ACTR3B: variants seen among roughly 807,000 people sequenced by gnomAD.
ACTR3B encodes the protein actin related protein 3B, also known as actin-related protein 3B.
Under a neutral mutation model 59.0 loss-of-function variants are expected in ACTR3B, and 8 were observed. The ratio of observed to expected loss-of-function variants is 0.14; its 90% CI spans 0.08 to 0.24. The LOEUF is 0.24. Ranked by LOEUF, ACTR3B falls within the 10% of genes least tolerant of loss-of-function variation. The pLI, the probability that ACTR3B is intolerant of heterozygous loss-of-function variation, is 1.00. For missense variants in ACTR3B, 245 were observed against 552.3 expected (o/e 0.44, Z 5.58); for synonymous variants, 148 against 197.9 (o/e 0.75, Z 2.12).
chr7:152,827,038 G>A (rs1199712388), intron 9 of ACTR3B, among the ~76,000 whole-genome samples: 57 of 150,824 alleles, frequency 3.8e-4, no homozygotes, highest in African/African-American at 1.3e-3. Flanking sequence ...CTGGAGTGCA[G>A]TGGCGTGATC....
At chr7:152,806,068 AC>A (rs1246095443) in intron 4 of ACTR3B, among the ~76,000 whole-genome samples, 4 of 152,184 alleles carry the variant, frequency 2.6e-5, no homozygotes, top group African/African-American at 9.7e-5. Context: ...TATATTTAAA[AC>A]CAGATTATTC....
At chr7:152,821,485 AGAATTG>A (rs1167320572) in intron 7 of ACTR3B, among the ~76,000 whole-genome samples, 4 of 151,866 alleles carry the variant, frequency 2.6e-5, no homozygotes, top group Admixed American at 2.6e-4. Context: ...AAAAAAAAAA[AGAATTG>A]AGCCTTTTGT....
At chr7:152,803,149 G>A (rs2098242034) in intron 4 of ACTR3B, among the ~76,000 whole-genome samples, 1 of 152,180 alleles carries the variant, frequency 6.6e-6, no homozygotes, top group African/African-American at 2.4e-5. Flanking sequence ...GGGCTCAGTT[G>A]ATCCTCCCAC....
intron 4 of ACTR3B, among the ~76,000 whole-genome samples, chr7:152,806,302 G>A (rs1374468887): frequency 6.6e-6 from 1 of 152,190 alleles, no homozygotes; most frequent in African/African-American, 2.4e-5. Flanking sequence ...GAACCCATAA[G>A]GATGTGGCCT....
rs1412663787 is a variant in ACTR3B, at chr7:152,810,424, T to TG, written c.337-4126_337-4125insG. 2.7e-3 allele frequency among the ~76,000 whole-genome samples: 292 copies of TG among 108,952 alleles called. 2 individuals carry two copies. The highest frequency in any genetic ancestry group is 0.01 in the African/African-American group (266 of 26,520). The allele number at this position is 108,952 out of a possible 152,430, so 71.5% of individuals were successfully genotyped here. On this transcript the variant is annotated intron_variant, in intron 4 of 11. Coordinates refer to ENST00000256001, the MANE Select transcript of ACTR3B (RefSeq NM_020445.6). ...ACCCAGCCTGTTTTTTTTTTTTTTT[T>TG]TTTTGTTGTTGTTTTTTGAGAGGGG...
In ACTR3B at chr7:152,783,180, C is replaced by CAAA; in HGVS notation, c.45-7_45-6insAAA. On this transcript the variant is annotated splice_region_variant and splice_polypyrimidine_tract_variant and intron_variant, in intron 1 of 11. Coordinates refer to ENST00000256001, the MANE Select transcript of ACTR3B (RefSeq NM_020445.6). ...CTAAACATGTGTTGATGACTTTGTG[C>CAAA]TTTTAGGTATACCAAGCTTGGCTAC... 7.3e-7 allele frequency: 1 copy of CAAA among 1,367,886 alleles called. No homozygotes were observed. The highest frequency in any genetic ancestry group is 1.8e-4 in the Middle Eastern group (1 of 5,506). 84.7% of individuals were successfully genotyped at this position (1,367,886 alleles called of 1,614,324 possible).
chr7:152,771,653 TAATA>T (rs1419006313), intron 1 of ACTR3B, among the ~76,000 whole-genome samples: 2 of 152,210 alleles, frequency 1.3e-5, no homozygotes, highest in Non-Finnish European at 2.9e-5. Context: ...GATGTAACAT[TAATA>T]AATAAAAGAC....
chr7:152,786,026 A>G, intron 2 of ACTR3B, among the ~76,000 whole-genome samples: 1 of 5,032 alleles, frequency 2.0e-4, no homozygotes, highest in Non-Finnish European at 4.6e-4. Context: ...GGTTGCTTGA[A>G]GAAAGTTATT....
At chr7:152,793,388 CT>C (rs1351475521) in intron 2 of ACTR3B, among the ~76,000 whole-genome samples, 4 of 125,712 alleles carry the variant, frequency 3.2e-5, no homozygotes, top group Admixed American at 2.6e-4. Context: ...TGGGTAATGT[CT>C]GTTATTCTGT....
chr7:152,791,549 C>T (rs1313441616), intron 2 of ACTR3B, among the ~76,000 whole-genome samples: 3 of 152,154 alleles, frequency 2.0e-5, no homozygotes, highest in Non-Finnish European at 4.4e-5. Flanking sequence ...GAAGTGAGAC[C>T]CTGTCTCTAA....
chr7:152,843,266 A>G (rs1289698493), intron 9 of ACTR3B, among the ~76,000 whole-genome samples: 1 of 152,212 alleles, frequency 6.6e-6, no homozygotes, highest in Non-Finnish European at 1.5e-5. Context: ...CCTACCACAA[A>G]ATTACGAAGT....
intron 9 of ACTR3B, 54 bp from the exon 10 acceptor site, chr7:152,852,071 CG>C: frequency 1.2e-6 from 2 of 1,612,838 alleles, no homozygotes; most frequent in Admixed American, 1.7e-5. Flanking sequence ...GGGTGGTTCC[CG>C]GAACTGTGGG....
chr7:152,829,044 G>GTGTATATA (rs1554449533), intron 9 of ACTR3B, among the ~76,000 whole-genome samples: 1 of 143,838 alleles, frequency 7.0e-6, no homozygotes, highest in African/African-American at 2.8e-5. Flanking sequence ...GTGTGTGTGT[G>GTGTATATA]TATATATATA....
At chr7:152,836,565 C>T (rs1037836067) in intron 9 of ACTR3B, among the ~76,000 whole-genome samples, 5 of 150,582 alleles carry the variant, frequency 3.3e-5, no homozygotes, top group Non-Finnish European at 5.9e-5. Context: ...CCAGCCTTAG[C>T]GACAAAGGGA....
chr7:152,777,630 A>T (rs969799638), intron 1 of ACTR3B, among the ~76,000 whole-genome samples: 3 of 152,094 alleles, frequency 2.0e-5, no homozygotes, highest in African/African-American at 7.2e-5. Context: ...TAATCTCCTT[A>T]GTTATTCAAG....
intron 9 of ACTR3B, among the ~76,000 whole-genome samples, chr7:152,831,237 C>T (rs540141075): frequency 5.3e-5 from 8 of 152,366 alleles, no homozygotes; most frequent in South Asian, 2.1e-4. Flanking sequence ...CACCTGTTGC[C>T]GTGGGAGGCT....
chr7:152,806,910 C>G (rs1455613033), intron 4 of ACTR3B, among the ~76,000 whole-genome samples: 1 of 152,208 alleles, frequency 6.6e-6, no homozygotes, highest in Non-Finnish European at 1.5e-5. Flanking sequence ...TGGTGTCACT[C>G]AAAGGCATGA....
intron 9 of ACTR3B, among the ~76,000 whole-genome samples, chr7:152,828,272 C>T (rs1194088905): frequency 6.6e-6 from 1 of 151,346 alleles, no homozygotes; most frequent in African/African-American, 2.4e-5. Flanking sequence ...GAGTCACTGC[C>T]GAGCTCTGCT....
At chr7:152,780,595 G>C (rs1177239247) in intron 1 of ACTR3B, among the ~76,000 whole-genome samples, 7 of 151,878 alleles carry the variant, frequency 4.6e-5, no homozygotes, top group African/African-American at 1.7e-4. Context: ...GCTCAAGTCT[G>C]TTTTTGTAGT....
Sources: gnomAD v4.1 joint callset for allele counts (sites outside exome capture counted in the v4.1 genomes callset) on GRCh38, gnomAD v4.1.1 for gene constraint, MANE v1.5 for transcripts, NCBI Gene and HGNC (gene_info 2026-07-23, HGNC 2026-07-21) for gene names.